The following BTRC variants were observed in gnomAD, a reference collection of about 807,000 sequenced individuals.
BTRC encodes the protein F-box/WD repeat-containing protein 1A.
BTRC carries 42 observed loss-of-function variants against 85.5 expected under a neutral mutation model. The ratio of observed to expected loss-of-function variants is 0.49; its 90% CI spans 0.38 to 0.64. The LOEUF (loss-of-function observed/expected upper bound fraction) is 0.64. Ranked by LOEUF, BTRC falls within the 30% of genes least tolerant of loss-of-function variation. The pLI is 0.00. For synonymous variants in BTRC, 255 were observed against 263.3 expected (o/e 0.97, Z 0.30); for missense variants, 594 against 743.5 (o/e 0.80, Z 2.34).
intron 13 of BTRC, among the ~76,000 whole-genome samples, chr10:101,549,712 T>C (rs1480731880): frequency 7.7e-5 from 1 of 12,964 alleles, no homozygotes; most frequent in Non-Finnish European, 1.0e-4. Context: ...AGACTCTGTC[T>C]CAAAAAAAAA....
At position 101,449,009 on chromosome 10, in the gene BTRC, A is replaced by G. The variant is rs143347672; in HGVS notation, c.157-12972A>G. On this transcript the variant is annotated intron_variant, in intron 2 of 14. Transcript: ENST00000370187. ...AAGGACACAGTATAATAATAAGCCT[A>G]TATAATAATTTCTTAATTAGGAAAA... Among the ~76,000 whole-genome samples, 688 of 152,144 alleles carry G rather than the reference A, an allele frequency of 4.5e-3. 5 individuals are homozygous for G. Among genetic ancestry groups the G allele is most frequent in the Middle Eastern group, 0.01 (3 of 294 alleles).
intron 2 of BTRC, 21 bp from the exon 3 acceptor site, chr10:101,461,960 A>G (rs1446149036): frequency 6.4e-7 from 1 of 1,573,618 alleles, no homozygotes; most frequent in Non-Finnish European, 8.7e-7. Context: ...GAACTGAATT[A>G]AAGCTTACTT....
rs372864623 is a variant in BTRC at position 101,371,524 on chromosome 10, A to C, written c.48+17296A>C. ...TTGATTCCTCTAGATACCTCATTTA[A>C]GTAGAATCATACAGTGTTTGCCTTT... On this transcript the variant is annotated intron_variant, in intron 1 of 14. Coordinates refer to ENST00000370187, the MANE Select transcript of BTRC (RefSeq NM_033637.4). Among the ~76,000 whole-genome samples, 19 of 152,186 alleles carry C rather than the reference A, an allele frequency of 1.2e-4. No individual in the cohort carries two copies. The East Asian group carries it at 2.3e-3, about 18-fold the overall frequency.
intron 1 of BTRC, among the ~76,000 whole-genome samples, chr10:101,404,658 G>A (rs909583234): frequency 6.6e-6 from 1 of 152,056 alleles, no homozygotes; most frequent in Non-Finnish European, 1.5e-5. Flanking sequence ...CCACTTGATG[G>A]CCATTGTGGA....
At chr10:101,513,697 A>T (rs2061986488) in intron 4 of BTRC, among the ~76,000 whole-genome samples, 1 of 151,722 alleles carries the variant, frequency 6.6e-6, no homozygotes, top group African/African-American at 2.4e-5. Flanking sequence ...CATTTGGATT[A>T]TTACCATTTT....
intron 1 of BTRC, among the ~76,000 whole-genome samples, chr10:101,394,626 C>T (rs1379224895): frequency 6.6e-6 from 1 of 152,108 alleles, no homozygotes; most frequent in Non-Finnish European, 1.5e-5. Context: ...AATCTAGGAA[C>T]AGAGAAGAAA....
chr10:101,551,913 T>C (rs1484533631), intron 14 of BTRC, among the ~76,000 whole-genome samples: 1 of 152,166 alleles, frequency 6.6e-6, no homozygotes, highest in Non-Finnish European at 1.5e-5. Flanking sequence ...TGTGTGGAGA[T>C]ACTGCATGGA....
chr10:101,516,651 A>G lies in BTRC; in HGVS notation c.325-4988A>G, dbSNP rs147558746. ...ATTCCCACTTATGACTTGATCATTG[A>G]AAGTATCACAAAGTCTTATCTTTAG... On this transcript the variant is annotated intron_variant, in intron 4 of 14. Coordinates refer to ENST00000370187, the MANE Select transcript of BTRC (RefSeq NM_033637.4). Among the ~76,000 whole-genome samples, 81 of 152,354 alleles carry G rather than the reference A, an allele frequency of 5.3e-4. No homozygotes were observed. The East Asian group carries it at 0.015, about 29-fold the overall frequency.
In BTRC at chr10:101,367,031, T is replaced by TA. The variant is rs1564730845; in HGVS notation, c.48+12803_48+12804insA. ...TTATATATATATTTATATTTATATA[T>TA]TTATATATATAAATATATATATATA... On this transcript the variant is annotated intron_variant, in intron 1 of 14. Transcript: ENST00000370187. 1.9e-3 allele frequency among the ~76,000 whole-genome samples: 112 copies of TA among 57,856 alleles called. 9 individuals carry two copies. The highest frequency in any genetic ancestry group is 6.8e-3 in the Admixed American group (22 of 3,216). The allele number at this position is 57,856 out of a possible 152,430, so 38.0% of individuals were successfully genotyped here.
intron 1 of BTRC, among the ~76,000 whole-genome samples, chr10:101,399,493 A>G (rs1005116638): frequency 6.6e-6 from 1 of 152,182 alleles, no homozygotes; most frequent in Non-Finnish European, 1.5e-5. Context: ...GCTAGCTAAC[A>G]TTTTGTAAAG....
At chr10:101,357,237 T>C (rs1270715172) in intron 1 of BTRC, among the ~76,000 whole-genome samples, 2 of 151,180 alleles carry the variant, frequency 1.3e-5, no homozygotes, top group Admixed American at 1.3e-4. Context: ...GGTCAGGAGA[T>C]TGAGACCATC....
At chr10:101,364,462 A>T (rs536741800) in intron 1 of BTRC, among the ~76,000 whole-genome samples, 1 of 151,958 alleles carries the variant, frequency 6.6e-6, no homozygotes, top group African/African-American at 2.4e-5. Flanking sequence ...TCAAGGTCAT[A>T]CATAATAACC....
At chr10:101,391,064 G>A (rs1041328835) in intron 1 of BTRC, among the ~76,000 whole-genome samples, 1 of 152,140 alleles carries the variant, frequency 6.6e-6, no homozygotes, top group African/African-American at 2.4e-5. Flanking sequence ...AAACTAGCCT[G>A]TATATAATCA....
intron 1 of BTRC, among the ~76,000 whole-genome samples, chr10:101,404,656 T>C (rs1248083456): frequency 2.0e-5 from 3 of 152,190 alleles, no homozygotes; most frequent in Non-Finnish European, 4.4e-5. Context: ...TGCCACTTGA[T>C]GGCCATTGTG....
At position 101,549,968 on chromosome 10, in the gene BTRC, G is replaced by A. The variant is rs562139115; in HGVS notation, c.1657-731G>A. Among the ~76,000 whole-genome samples the A allele has an allele frequency of 1.8e-4, 27 of 152,180 alleles. No homozygotes were observed. The South Asian group carries it at 3.3e-3, about 19-fold the overall frequency. ...GGCCATGATAGGAGTTTTTAATGCC[G>A]TGGAAATCTACCGATGGTTTTACAA... On this transcript the variant is annotated intron_variant, in intron 13 of 14. Coordinates refer to ENST00000370187, the MANE Select transcript of BTRC (RefSeq NM_033637.4).
At chr10:101,505,157 GTATA>G (rs36139179) in intron 4 of BTRC, among the ~76,000 whole-genome samples, 7 of 118,912 alleles carry the variant, frequency 5.9e-5, no homozygotes, top group Admixed American at 2.7e-4. Context: ...ATATGTATAT[GTATA>G]TATATATATA....
intron 1 of BTRC, among the ~76,000 whole-genome samples, chr10:101,393,341 A>C (rs188906748): frequency 6.6e-6 from 1 of 152,080 alleles, no homozygotes; most frequent in Non-Finnish European, 1.5e-5. Context: ...AATTAATTGA[A>C]CCCACAGAGG....
In BTRC at chr10:101,509,719, A is replaced by ATT. The variant is rs549474862; in HGVS notation, c.325-11899_325-11898dup. 6.3e-3 allele frequency among the ~76,000 whole-genome samples: 752 copies of ATT among 120,258 alleles called. 5 individuals are homozygous for ATT. Among genetic ancestry groups the ATT allele is most frequent in the East Asian group, 0.019 (71 of 3,712 alleles). 78.9% of individuals were successfully genotyped at this position (120,258 alleles called of 152,430 possible). A position where few individuals can be genotyped will look rare whatever the true frequency, so the allele number is the denominator to read the frequency against. On this transcript the variant is annotated intron_variant, in intron 4 of 14. Transcript: ENST00000370187. ...AGGCATGCACCACCACACACAGCTAATTTTTTTTTTTTTTTTTTTTTTGGT... is the reference window on the plus strand; with the variant it reads ...AGGCATGCACCACCACACACAGCTAATTTTTTTTTTTTTTTTTTTTTTTTGGT...
At chr10:101,461,036 G>A (rs4387286) in intron 2 of BTRC, among the ~76,000 whole-genome samples, 10,086 of 151,968 alleles carry the variant, frequency 0.066, 351 homozygotes, top group Non-Finnish European at 0.074. Context: ...TCGAGTAGCT[G>A]GGATTACAGG....
Sources: gnomAD v4.1 joint callset for allele counts (sites outside exome capture counted in the v4.1 genomes callset) on GRCh38, gnomAD v4.1.1 for gene constraint, MANE v1.5 for transcripts, NCBI Gene and HGNC (gene_info 2026-07-23, HGNC 2026-07-21) for gene names.